The following ERG variants were observed in gnomAD, a reference collection of about 807,000 sequenced individuals.
ERG encodes the protein transcriptional regulator ERG.
In ERG, 9 loss-of-function variants were observed where a neutral mutation model predicts 55.3. That is an observed-to-expected ratio of 0.16 (90% CI 0.10 to 0.28). The LOEUF (loss-of-function observed/expected upper bound fraction) is 0.28, where lower values mean the gene tolerates loss of function less well. Among genes scored for constraint, ERG ranks in the 10% least tolerant of loss-of-function variants. ERG has a pLI of 1.00. For synonymous variants in ERG, 223 were observed against 237.3 expected (o/e 0.94, Z 0.55); for missense variants, 434 against 631.6 (o/e 0.69, Z 3.35).
chr21:38,625,531 G>C (rs2060319003), intron 1 of ERG, among the ~76,000 whole-genome samples: 2 of 152,032 alleles, frequency 1.3e-5, no homozygotes, highest in South Asian at 4.2e-4. Context: ...CATCCCTTAG[G>C]GAACATTTTC....
At chr21:38,581,903 C>T (rs2060031159) in intron 1 of ERG, among the ~76,000 whole-genome samples, 1 of 152,040 alleles carries the variant, frequency 6.6e-6, no homozygotes, top group South Asian at 2.1e-4. Context: ...ATTAGCCGGG[C>T]GTGGTGGTGG....
chr21:38,639,384 T>C (rs2060409964), intron 1 of ERG, among the ~76,000 whole-genome samples: 1 of 151,480 alleles, frequency 6.6e-6, no homozygotes, highest in Admixed American at 6.6e-5. Context: ...AAAACTATCA[T>C]TAAGATCCTA....
At chr21:38,397,337 C>T (rs374340181) in intron 6 of ERG, among the ~76,000 whole-genome samples, 1 of 151,992 alleles carries the variant, frequency 6.6e-6, no homozygotes, top group Non-Finnish European at 1.5e-5. Flanking sequence ...TGGTGGTTCA[C>T]GCCTGTAATC....
chr21:38,438,740 C>T (rs546719301), intron 2 of ERG, among the ~76,000 whole-genome samples: 5 of 152,330 alleles, frequency 3.3e-5, no homozygotes, highest in East Asian at 3.9e-4. Flanking sequence ...CCCACCTCCG[C>T]GTAGATCCTC....
intron 2 of ERG, among the ~76,000 whole-genome samples, chr21:38,513,779 A>AAAATAAC (rs1190722967): frequency 6.6e-6 from 1 of 152,154 alleles, no homozygotes; most frequent in Non-Finnish European, 1.5e-5. Flanking sequence ...AAGAAGAAGA[A>AAAATAAC]AAATAACAAA....
chr21:38,454,907 T>C (rs946849884), intron 1 of ERG, among the ~76,000 whole-genome samples: 1 of 152,178 alleles, frequency 6.6e-6, no homozygotes, highest in Admixed American at 6.5e-5. Context: ...GCCTTTTTGG[T>C]CCCTGGTCCA....
At chr21:38,547,652 T>C (rs2836506) in intron 2 of ERG, among the ~76,000 whole-genome samples, 76,917 of 152,102 alleles carry the variant, frequency 0.51, 20,772 homozygotes, top group Non-Finnish European at 0.62. Context: ...TTGCTGTTTA[T>C]GTTGTAGAAA....
At chr21:38,395,775 T>C (rs1031054167) in intron 6 of ERG, among the ~76,000 whole-genome samples, 27 of 152,254 alleles carry the variant, frequency 1.8e-4, no homozygotes, top group African/African-American at 5.8e-4. Flanking sequence ...TGAATGAGAC[T>C]CCTCCTCCAC....
intron 1 of ERG, among the ~76,000 whole-genome samples, chr21:38,448,849 C>T (rs2058915549): frequency 6.6e-6 from 1 of 152,182 alleles, no homozygotes; most frequent in South Asian, 2.1e-4. Flanking sequence ...GGATCTAGCC[C>T]AGTAGGATTA....
At position 38,486,957 on chromosome 21, in the gene ERG, G is replaced by A. The variant is rs564843005; in HGVS notation, c.18+11406C>T. ...ACCAAGAAGTAGGAGTTATTATCAT[G>A]ACTGACTCTCTTCTACAGATGAGGA... is the stretch of plus-strand genomic sequence containing the variant. On this transcript the variant is annotated intron_variant, in intron 1 of 9. Coordinates refer to ENST00000288319, the MANE Select transcript of ERG (RefSeq NM_182918.4). Among the ~76,000 whole-genome samples, 3 of 152,272 alleles carry A rather than the reference G, an allele frequency of 2.0e-5. No individual in the cohort carries two copies. The South Asian group carries it at 6.2e-4, about 32-fold the overall frequency.
intron 2 of ERG, among the ~76,000 whole-genome samples, chr21:38,532,007 T>G (rs893689928): frequency 1.3e-5 from 2 of 152,180 alleles, no homozygotes; most frequent in African/African-American, 4.8e-5. Flanking sequence ...ATTATTATAT[T>G]TTGCCTCTCA....
chr21:38,467,422 C>T (rs774155551), intron 1 of ERG, among the ~76,000 whole-genome samples: 5 of 152,162 alleles, frequency 3.3e-5, no homozygotes, highest in Non-Finnish European at 7.3e-5. Flanking sequence ...CAAAAACACA[C>T]ATTTTCCAAG....
chr21:38,403,816 ACAGCCTCCAGC>A, intron 3 of ERG, 107 bp from the exon 4 acceptor site: 1 of 1,073,230 alleles, frequency 9.3e-7, no homozygotes, highest in Admixed American at 1.9e-5. Context: ...TTCCACAAGC[ACAGCCTCCAGC>A]CAGCCTCCCT....
intron 1 of ERG, among the ~76,000 whole-genome samples, chr21:38,494,425 A>G (rs997492455): frequency 3.9e-5 from 6 of 152,154 alleles, no homozygotes; most frequent in Admixed American, 2.0e-4. Context: ...CAGCTGTTAA[A>G]CCAATAAATC....
intron 2 of ERG, among the ~76,000 whole-genome samples, chr21:38,522,638 T>C (rs1227243221): frequency 6.6e-6 from 1 of 152,242 alleles, no homozygotes; most frequent in Non-Finnish European, 1.5e-5. Context: ...TATTTTATTT[T>C]AATCAAGCAA....
chr21:38,564,290 G>GAAGA (rs138274795), intron 2 of ERG, among the ~76,000 whole-genome samples: 2,189 of 151,830 alleles, frequency 0.014, 56 homozygotes, highest in African/African-American at 0.048. Flanking sequence ...GAAGTAAAAA[G>GAAGA]AAGAATAAAA....
intron 2 of ERG, among the ~76,000 whole-genome samples, chr21:38,562,867 G>A (rs1302236369): frequency 6.6e-6 from 1 of 152,148 alleles, no homozygotes; most frequent in East Asian, 1.9e-4. Flanking sequence ...GCATATAAAA[G>A]TGTGCGTGTT....
Position 38,460,167 on chromosome 21 carries a change from G to A in ERG, c.19-14546C>T, listed in dbSNP as rs2059028368. ...AACAAGGCCAGAGTGGACTGCGGGG[G>A]CTGCACGAGGAACAATGGGACCAAG... On this transcript the variant is annotated intron_variant, in intron 1 of 9. Coordinates refer to ENST00000288319, the MANE Select transcript of ERG (RefSeq NM_182918.4). The surrounding 1 kb of genome is among the most constrained non-coding windows in gnomAD (Gnocchi z 5.0). Among the ~76,000 whole-genome samples the A allele has an allele frequency of 6.6e-6, 1 of 152,140 alleles. No homozygotes were observed.
At chr21:38,485,200 T>G (rs2059271934) in intron 1 of ERG, among the ~76,000 whole-genome samples, 1 of 152,002 alleles carries the variant, frequency 6.6e-6, no homozygotes, top group Non-Finnish European at 1.5e-5. Context: ...TGTGTAGACC[T>G]ACGCTAATGT....
Sources: allele counts gnomAD v4.1 joint callset (sites outside exome capture counted in the v4.1 genomes callset), GRCh38; gene constraint gnomAD v4.1.1; non-coding constraint Gnocchi (gnomAD v3.1); transcripts MANE v1.5; gene names NCBI Gene and HGNC (gene_info 2026-07-23, HGNC 2026-07-21).